The following POGLUT1 variants were observed in gnomAD, a reference collection of about 807,000 sequenced individuals.
POGLUT1 encodes the protein 9630046K23Rik.
A neutral mutation model predicts 61.3 loss-of-function variants in POGLUT1; 32 were observed. The ratio of observed to expected loss-of-function variants is 0.52; its 90% CI spans 0.39 to 0.70. POGLUT1 has a LOEUF of 0.70. POGLUT1 is among the 30% of genes least tolerant of loss of function. The pLI is 0.00. For synonymous variants in POGLUT1, 158 were observed against 158.2 expected (o/e 1.00, Z 0.01); for missense variants, 411 against 469.8 (o/e 0.87, Z 1.16).
At chr3:119,485,153 CT>C (rs2081650129) in intron 5 of POGLUT1, among the ~76,000 whole-genome samples, 174 bp from the exon 6 acceptor site, 1 of 151,744 alleles carries the variant, frequency 6.6e-6, no homozygotes, top group Admixed American at 6.6e-5. Flanking sequence ...GGAAGGGGAG[CT>C]TGCAGTCAGC....
intron 5 of POGLUT1, among the ~76,000 whole-genome samples, chr3:119,483,239 G>T (rs2081626858): frequency 6.6e-6 from 1 of 152,170 alleles, no homozygotes; most frequent in Admixed American, 6.5e-5. Flanking sequence ...TTACTACCAT[G>T]TTGTTTCTTA....
intron 3 of POGLUT1, among the ~76,000 whole-genome samples, chr3:119,475,036 T>C (rs1234038438): frequency 6.6e-6 from 1 of 152,178 alleles, no homozygotes; most frequent in African/African-American, 2.4e-5. Context: ...GCTAAAATAT[T>C]TGGATACCTC....
rs58233822 is a variant in POGLUT1, at chr3:119,493,803, A to ATTTTTTTTTTTTTTTTTTTTTTTTT, written c.*1386_*1387insTTTTTTTTTTTTTTTTTTTTTTTTT. The stretch of plus-strand genomic sequence containing the variant: ...GGAATAAGCAGATGTTTAAAGTTGG[A>ATTTTTTTTTTTTTTTTTTTTTTTTT]TTTTTTTTTTTTTTTTTTTTTGAGT... On this transcript the variant is annotated 3_prime_UTR_variant, in exon 11 of 11. Coordinates refer to ENST00000295588, the MANE Select transcript of POGLUT1 (RefSeq NM_152305.3). 1 of 119,912 alleles carries ATTTTTTTTTTTTTTTTTTTTTTTTT rather than the reference A, an allele frequency of 8.3e-6. No homozygotes were observed. The highest frequency in any genetic ancestry group is 3.4e-5 in the African/African-American group (1 of 29,260). 7.4% of individuals were successfully genotyped at this position (119,912 alleles called of 1,614,324 possible).
chr3:119,477,524 A>G, intron 4 of POGLUT1, 76 bp downstream of exon 4: 1 of 1,404,330 alleles, frequency 7.1e-7, no homozygotes, highest in Non-Finnish European at 1.0e-6. Flanking sequence ...TTGTCCGGTG[A>G]CATAGTCTGA....
chr3:119,492,527 C>A lies in POGLUT1; in HGVS notation c.*89C>A. On this transcript the variant is annotated 3_prime_UTR_variant, in exon 11 of 11. Coordinates refer to ENST00000295588, the MANE Select transcript of POGLUT1 (RefSeq NM_152305.3). ...CTTACCATAAGCTTGGCACCTATACCTTGAATATCTGCTATCAAGCCAAAT... is the reference window on the plus strand; with the variant it reads ...CTTACCATAAGCTTGGCACCTATACATTGAATATCTGCTATCAAGCCAAAT... 1 of 791,822 alleles carries A rather than the reference C, an allele frequency of 1.3e-6. No homozygotes were observed. The highest frequency in any genetic ancestry group is 1.9e-6 in the Non-Finnish European group (1 of 520,606). 49.0% of individuals were successfully genotyped at this position (791,822 alleles called of 1,614,324 possible).
chr3:119,476,506 A>C (rs952418217), intron 3 of POGLUT1, among the ~76,000 whole-genome samples: 3 of 151,588 alleles, frequency 2.0e-5, no homozygotes, highest in Non-Finnish European at 4.4e-5. Flanking sequence ...TTGCTGGTCT[A>C]GAACTCTTGG....
rs1354511044 is a variant in POGLUT1, at chr3:119,494,694, C to G, written c.*2256C>G. 2 of 152,488 alleles carry G rather than the reference C, an allele frequency of 1.3e-5. No individual in the cohort carries two copies. Among genetic ancestry groups the G allele is most frequent in the African/African-American group, 4.8e-5 (2 of 41,450 alleles). The allele number at this position is 152,488 out of a possible 1,614,324, so 9.4% of individuals were successfully genotyped here. A position where few individuals can be genotyped will look rare whatever the true frequency, so the allele number is the denominator to read the frequency against. On this transcript the variant is annotated 3_prime_UTR_variant, in exon 11 of 11. Transcript: ENST00000295588. Reference sequence around the variant, plus strand: ...TAATTTATTTGAATGAAGTGGGATACTTGCATAACACAAATAATGCTTTGT... The same window carrying G: ...TAATTTATTTGAATGAAGTGGGATAGTTGCATAACACAAATAATGCTTTGT...
chr3:119,475,646 C>T (rs2081525815), intron 3 of POGLUT1, among the ~76,000 whole-genome samples: 1 of 151,874 alleles, frequency 6.6e-6, no homozygotes, highest in Non-Finnish European at 1.5e-5. Context: ...GAACCTATCT[C>T]TACTAAAAAT....
At chr3:119,478,443 A>G (rs1412054947) in intron 4 of POGLUT1, 1 of 456,512 alleles carries the variant, frequency 2.2e-6, no homozygotes, top group Non-Finnish European at 4.4e-6. Flanking sequence ...TTGTCATGAA[A>G]CTCACTCAGA....
At chr3:119,484,172 C>T (rs530247157) in intron 5 of POGLUT1, among the ~76,000 whole-genome samples, 4 of 152,214 alleles carry the variant, frequency 2.6e-5, no homozygotes, top group East Asian at 3.9e-4. Flanking sequence ...GGATGAGCCA[C>T]GTTGGCTGAG....
intron 4 of POGLUT1, chr3:119,478,351 T>C (rs187763011): frequency 1.8e-5 from 8 of 456,722 alleles, no homozygotes; most frequent in Non-Finnish European, 1.3e-5. Context: ...TTATTTCCTG[T>C]GTTGCAAGTG....
chr3:119,469,373 C>A, intron 1 of POGLUT1: 1 of 577,200 alleles, frequency 1.7e-6, no homozygotes, highest in Non-Finnish European at 3.1e-6. Flanking sequence ...GAGGCGTGGC[C>A]CGTGCTTGGC....
intron 4 of POGLUT1, among the ~76,000 whole-genome samples, chr3:119,479,654 T>C (rs1166714161): frequency 6.6e-6 from 1 of 152,102 alleles, no homozygotes; most frequent in Non-Finnish European, 1.5e-5. Context: ...AAAAAACCCA[T>C]TGGGAAATAA....
At chr3:119,491,452 G>T (rs1166395473) in intron 9 of POGLUT1, 66 bp from the exon 10 acceptor site, 5 of 709,278 alleles carry the variant, frequency 7.0e-6, no homozygotes, top group Non-Finnish European at 1.2e-5. Context: ...AATCTATATC[G>T]TCTTTCTGAC....
In POGLUT1 at chr3:119,487,084, T is replaced by C. The variant is rs955365653; in HGVS notation, c.738+152T>C. On this transcript the variant is annotated intron_variant, in intron 7 of 10. Coordinates refer to ENST00000295588, the MANE Select transcript of POGLUT1 (RefSeq NM_152305.3). ...GAACCAGCATTAGCATATATGTAAA[T>C]TCTCCTTTTTCAAACTTACATTGCT... The C allele has an allele frequency of 8.0e-6, 5 of 623,422 alleles. No individual in the cohort carries two copies. In the African/African-American group the frequency reaches 9.2e-5, roughly 11 times the overall value. 38.6% of individuals were successfully genotyped at this position (623,422 alleles called of 1,614,324 possible). A position where few individuals can be genotyped will look rare whatever the true frequency, so the allele number is the denominator to read the frequency against.
intron 5 of POGLUT1, among the ~76,000 whole-genome samples, chr3:119,484,084 G>A (rs139099751): frequency 6.6e-6 from 1 of 152,248 alleles, no homozygotes; most frequent in East Asian, 1.9e-4. Context: ...TGGGCAGGAA[G>A]AAGTATGGGG....
intron 4 of POGLUT1, chr3:119,479,801 A>G: frequency 1.4e-6 from 1 of 731,986 alleles, no homozygotes; most frequent in Non-Finnish European, 2.1e-6. Flanking sequence ...GAAAAACAGA[A>G]TTTGGGGGAA....
chr3:119,475,100 G>A (rs757053638), intron 3 of POGLUT1, among the ~76,000 whole-genome samples: 4 of 152,102 alleles, frequency 2.6e-5, no homozygotes, highest in Non-Finnish European at 4.4e-5. Flanking sequence ...CCCTCAGACT[G>A]CTAGTCCCTG....
chr3:119,490,422 A>C, intron 8 of POGLUT1, 129 bp from the exon 9 acceptor site: 1 of 812,526 alleles, frequency 1.2e-6, no homozygotes, highest in Non-Finnish European at 2.0e-6. Context: ...TGTCCTTGAA[A>C]ACTCAAAGTG....
Sources: gnomAD v4.1 joint callset for allele counts (sites outside exome capture counted in the v4.1 genomes callset) on GRCh38, gnomAD v4.1.1 for gene constraint, MANE v1.5 for transcripts, NCBI Gene and HGNC (gene_info 2026-07-23, HGNC 2026-07-21) for gene names.